Variants in PTPRT observed in about 807,000 individuals in gnomAD.
The protein encoded by PTPRT is receptor-type tyrosine-protein phosphatase T.
In PTPRT, 56 loss-of-function variants were observed where a neutral mutation model predicts 176.8. That is an observed-to-expected ratio of 0.32 (90% confidence interval 0.26 to 0.40). The LOEUF (loss-of-function observed/expected upper bound fraction) is 0.40. Among genes scored for constraint, PTPRT ranks in the 10% least tolerant of loss-of-function variants. The probability of loss-of-function intolerance (pLI) is 1.00; values close to 1 mark genes in which losing one functional copy is unlikely to be tolerated. For missense variants in PTPRT, 1,540 were observed against 1,908.2 expected, an observed-to-expected ratio of 0.81 and a Z score of 3.60; for synonymous variants, 783 against 739.0, an observed-to-expected ratio of 1.06 and a Z score of -0.96.
chr20:42,548,552 A>T (rs969312767), intron 7 of PTPRT, among the ~76,000 whole-genome samples: 6 of 152,284 alleles, frequency 3.9e-5, no homozygotes, highest in Admixed American at 2.0e-4. Context: ...GAGAAAATAT[A>T]GAAGACTATA....
chr20:42,438,015 C>T (rs1022881439), intron 9 of PTPRT, among the ~76,000 whole-genome samples: 8 of 152,162 alleles, frequency 5.3e-5, no homozygotes, highest in African/African-American at 1.9e-4. Flanking sequence ...AACTTAAGTG[C>T]TGCCTCTGGG....
intron 2 of PTPRT, among the ~76,000 whole-genome samples, chr20:42,861,672 AG>A (rs1389100611): frequency 6.6e-6 from 1 of 152,208 alleles, no homozygotes; most frequent in African/African-American, 2.4e-5. Context: ...GACTAGAAAG[AG>A]TGTCTGGATA....
chr20:42,813,396 C>G (rs2077730335), intron 2 of PTPRT, among the ~76,000 whole-genome samples: 2 of 151,838 alleles, frequency 1.3e-5, no homozygotes, highest in Admixed American at 6.6e-5. Context: ...TTCTTCCTTC[C>G]TTCCTTGCCC....
chr20:42,938,923 T>C (rs1473280130), intron 1 of PTPRT, among the ~76,000 whole-genome samples: 1 of 152,192 alleles, frequency 6.6e-6, no homozygotes, highest in East Asian at 1.9e-4. Context: ...GAACAGCATT[T>C]ATAATAACTT....
chr20:42,794,180 C>G (rs2077419361), intron 2 of PTPRT, among the ~76,000 whole-genome samples: 1 of 152,186 alleles, frequency 6.6e-6, no homozygotes, highest in African/African-American at 2.4e-5. Context: ...TCTGGGCACA[C>G]AGCTAGACTA....
intron 6 of PTPRT, chr20:42,686,453 C>T (rs922954113): frequency 8.3e-6 from 1 of 120,254 alleles, no homozygotes; most frequent in African/African-American, 3.0e-5. Context: ...GCTCATAGTG[C>T]ACTCTTTTTT....
At chr20:42,212,705 G>A (rs1449896894) in intron 15 of PTPRT, among the ~76,000 whole-genome samples, 1 of 152,164 alleles carries the variant, frequency 6.6e-6, no homozygotes, top group East Asian at 1.9e-4. Flanking sequence ...GGATTGAATG[G>A]TATGTTGCTG....
At chr20:43,177,442 A>T (rs1568828353) in intron 1 of PTPRT, among the ~76,000 whole-genome samples, 1 of 152,210 alleles carries the variant, frequency 6.6e-6, no homozygotes, top group Non-Finnish European at 1.5e-5. Flanking sequence ...AAATCTATGG[A>T]TCACAAAAGG....
At chr20:42,897,469 G>A (rs1434453561) in intron 1 of PTPRT, among the ~76,000 whole-genome samples, 4 of 152,140 alleles carry the variant, frequency 2.6e-5, no homozygotes, top group Admixed American at 6.5e-5. Context: ...GACGTGTTTC[G>A]ACTTCCAAGG....
At chr20:42,258,677 G>C (rs992288262) in intron 13 of PTPRT, among the ~76,000 whole-genome samples, 1 of 152,036 alleles carries the variant, frequency 6.6e-6, no homozygotes, top group Admixed American at 6.5e-5. Flanking sequence ...GTTGATAATA[G>C]AGCACTTGAG....
intron 1 of PTPRT, among the ~76,000 whole-genome samples, chr20:42,896,291 T>C (rs1375995052): frequency 6.6e-6 from 1 of 151,804 alleles, no homozygotes; most frequent in Non-Finnish European, 1.5e-5. Context: ...CCTACAAAAT[T>C]TGGAGCGCCC....
chr20:43,142,299 G>T (rs188066306), intron 1 of PTPRT, among the ~76,000 whole-genome samples: 137 of 152,366 alleles, frequency 9.0e-4, no homozygotes, highest in Middle Eastern at 6.8e-3. Context: ...CCAGCACACA[G>T]AAGTGGGAGA....
chr20:42,170,402 A>C (rs1366056342), intron 16 of PTPRT, among the ~76,000 whole-genome samples: 3 of 152,258 alleles, frequency 2.0e-5, no homozygotes, highest in Non-Finnish European at 2.9e-5. Flanking sequence ...GAGAAAAGAT[A>C]GAAGAATAAA....
chr20:43,061,168 C>G (rs1381757232), intron 1 of PTPRT, among the ~76,000 whole-genome samples: 1 of 151,994 alleles, frequency 6.6e-6, no homozygotes, highest in Non-Finnish European at 1.5e-5. Flanking sequence ...AATAAGCATT[C>G]CACAAGTATT....
At chr20:42,569,653 A>C (rs2145682683) in intron 7 of PTPRT, among the ~76,000 whole-genome samples, 1 of 152,208 alleles carries the variant, frequency 6.6e-6, no homozygotes, top group East Asian at 1.9e-4. Context: ...TAGATGCCAA[A>C]TGAGAATGGG....
rs1256719173 is a variant in PTPRT at position 42,073,792 on chromosome 20, C to T, written c.*7087G>A. The T allele has an allele frequency of 1.3e-5, 3 of 223,730 alleles. No individual in the cohort carries two copies. The highest frequency in any genetic ancestry group is 2.7e-5 in the Non-Finnish European group (3 of 112,064). The allele number at this position is 223,730 out of a possible 1,614,324, so 13.9% of individuals were successfully genotyped here. A position where few individuals can be genotyped will look rare whatever the true frequency, so the allele number is the denominator to read the frequency against. ...AACACAATCTACTTGGATTCGTGCT[C>T]TACAGGTATGAATGAGTTCAAACAT... On this transcript the variant is annotated 3_prime_UTR_variant, in exon 31 of 31. Transcript: ENST00000373187.
At chr20:42,671,143 C>T (rs956390170) in intron 7 of PTPRT, among the ~76,000 whole-genome samples, 1 of 152,148 alleles carries the variant, frequency 6.6e-6, no homozygotes, top group Non-Finnish European at 1.5e-5. Flanking sequence ...CAGTTACTGA[C>T]CTCGGCATCC....
chr20:42,706,754 T>C (rs2076066238), intron 6 of PTPRT, among the ~76,000 whole-genome samples: 1 of 152,184 alleles, frequency 6.6e-6, no homozygotes. Context: ...TACCTAAAAA[T>C]ACAATTACAG....
At chr20:42,490,547 G>A (rs1284703010) in intron 7 of PTPRT, among the ~76,000 whole-genome samples, 1 of 152,050 alleles carries the variant, frequency 6.6e-6, no homozygotes, top group Non-Finnish European at 1.5e-5. Flanking sequence ...ATTTTTATAA[G>A]TTAATCTTAT....
Sources: gnomAD v4.1 joint callset for allele counts (sites outside exome capture counted in the v4.1 genomes callset) on GRCh38, gnomAD v4.1.1 for gene constraint, MANE v1.5 for transcripts, NCBI Gene and HGNC (gene_info 2026-07-23, HGNC 2026-07-21) for gene names.